SH3PXD2A: variants seen among roughly 807,000 people sequenced by gnomAD.
SH3PXD2A encodes the protein SH3 and PX domains 2A.
Under a neutral mutation model 115.2 loss-of-function variants are expected in SH3PXD2A, and 32 were observed. The observed-to-expected ratio is 0.28, with a 90% confidence interval of 0.21 to 0.37. The LOEUF (loss-of-function observed/expected upper bound fraction) is 0.37, where lower values mean the gene tolerates loss of function less well. SH3PXD2A is among the 10% of genes least tolerant of loss of function. The pLI, the probability that SH3PXD2A is intolerant of heterozygous loss-of-function variation, is 1.00. For missense variants in SH3PXD2A, 1,328 were observed against 1,498.7 expected (o/e 0.89, Z 1.88); for synonymous variants, 610 against 629.1 (o/e 0.97, Z 0.45).
At chr10:103,652,475 A>G (rs1456669816) in intron 8 of SH3PXD2A, among the ~76,000 whole-genome samples, 1 of 152,094 alleles carries the variant, frequency 6.6e-6, no homozygotes, top group African/African-American at 2.4e-5. Flanking sequence ...GAGGGCAGCT[A>G]TCCCCCACTC....
intron 8 of SH3PXD2A, among the ~76,000 whole-genome samples, chr10:103,653,704 T>C (rs769607045): frequency 1.2e-4 from 18 of 152,132 alleles, no homozygotes; most frequent in Non-Finnish European, 2.1e-4. Flanking sequence ...CGCAGGTAGC[T>C]GGCAGCACTT....
intron 5 of SH3PXD2A, among the ~76,000 whole-genome samples, chr10:103,716,726 C>T (rs1589426613): frequency 1.3e-5 from 2 of 152,318 alleles, no homozygotes; most frequent in Admixed American, 6.5e-5. Context: ...CAGATCAGCT[C>T]AGCCCTGGCC....
chr10:103,642,665 G>C (rs2036972601), intron 8 of SH3PXD2A, among the ~76,000 whole-genome samples: 1 of 152,142 alleles, frequency 6.6e-6, no homozygotes, highest in African/African-American at 2.4e-5. Context: ...AAAAAGAAAA[G>C]AAAAGAAAAG....
chr10:103,795,903 AAAGGAAGGAAGGAAGGAAGG>A (rs747408854), intron 2 of SH3PXD2A, among the ~76,000 whole-genome samples: 5 of 120,014 alleles, frequency 4.2e-5, no homozygotes, highest in African/African-American at 9.6e-5. Context: ...GGAGGGAGGA[AAAGGAAGGAAGGAAGGAAGG>A]AAGGAAGGCA....
chr10:103,778,294 T>C (rs2038899605), intron 2 of SH3PXD2A, among the ~76,000 whole-genome samples: 1 of 152,152 alleles, frequency 6.6e-6, no homozygotes, highest in Admixed American at 6.5e-5. Context: ...ATCGTGCCAC[T>C]GCACTCCAGC....
chr10:103,797,849 C>G (rs1262145235), intron 2 of SH3PXD2A, among the ~76,000 whole-genome samples: 4 of 152,076 alleles, frequency 2.6e-5, no homozygotes, highest in African/African-American at 9.7e-5. Context: ...CAAGTGCTTC[C>G]TGGCCTCATG....
chr10:103,716,926 T>G (rs1320882359), intron 5 of SH3PXD2A, among the ~76,000 whole-genome samples: 1 of 152,232 alleles, frequency 6.6e-6, no homozygotes, highest in Non-Finnish European at 1.5e-5. Flanking sequence ...CTGCTGCTGC[T>G]GTGCGCTTCC....
chr10:103,689,558 G>A (rs901162299), intron 6 of SH3PXD2A, among the ~76,000 whole-genome samples: 11 of 152,238 alleles, frequency 7.2e-5, no homozygotes, highest in Admixed American at 3.3e-4. Flanking sequence ...CCAGCTACTC[G>A]GGAGGCTGAG....
intron 8 of SH3PXD2A, among the ~76,000 whole-genome samples, chr10:103,639,042 T>A (rs2036909362): frequency 1.3e-5 from 2 of 152,146 alleles, no homozygotes; most frequent in Admixed American, 1.3e-4. Flanking sequence ...CTCCAGGAGC[T>A]GCAGAGCAGT....
At chr10:103,799,782 C>T (rs945772602) in intron 2 of SH3PXD2A, among the ~76,000 whole-genome samples, 5 of 152,148 alleles carry the variant, frequency 3.3e-5, no homozygotes, top group African/African-American at 1.2e-4. Context: ...TATCAGCAAA[C>T]CCCACCAGAT....
intron 8 of SH3PXD2A, among the ~76,000 whole-genome samples, chr10:103,638,133 T>A (rs902872500): frequency 6.6e-6 from 1 of 152,200 alleles, no homozygotes; most frequent in Non-Finnish European, 1.5e-5. Context: ...CCTGCCTTCA[T>A]GAGCCACTCA....
At chr10:103,679,023 G>A (rs535445489) in intron 6 of SH3PXD2A, among the ~76,000 whole-genome samples, 3 of 152,318 alleles carry the variant, frequency 2.0e-5, no homozygotes, top group African/African-American at 7.2e-5. Context: ...TGGGGACAGT[G>A]GCTCCTACCA....
At chr10:103,852,025 T>A (rs1406021043) in intron 1 of SH3PXD2A, among the ~76,000 whole-genome samples, 1 of 152,232 alleles carries the variant, frequency 6.6e-6, no homozygotes, top group African/African-American at 2.4e-5. Flanking sequence ...GGAATCTGCA[T>A]TCTGCATCCA....
At chr10:103,663,892 T>A (rs1428401982) in intron 7 of SH3PXD2A, among the ~76,000 whole-genome samples, 1 of 152,204 alleles carries the variant, frequency 6.6e-6, no homozygotes, top group African/African-American at 2.4e-5. Context: ...GTGTGCCACA[T>A]ACATTCGCAC....
intron 1 of SH3PXD2A, among the ~76,000 whole-genome samples, chr10:103,846,202 A>G (rs1352455733): frequency 6.6e-6 from 1 of 152,276 alleles, no homozygotes; most frequent in Non-Finnish European, 1.5e-5. Flanking sequence ...ATGACAGCAC[A>G]GGGACAGAGA....
chr10:103,723,593 C>T (rs1256900267), intron 5 of SH3PXD2A, among the ~76,000 whole-genome samples: 1 of 152,114 alleles, frequency 6.6e-6, no homozygotes, highest in Non-Finnish European at 1.5e-5. Flanking sequence ...AACATGGAAA[C>T]ATTAGCCAGC....
At chr10:103,706,821 C>T (rs57400356) in intron 5 of SH3PXD2A, among the ~76,000 whole-genome samples, 6,094 of 152,144 alleles carry the variant, frequency 0.04, 375 homozygotes, top group African/African-American at 0.14. Context: ...GAGTAGAGCT[C>T]AGTGGAAGTG....
At chr10:103,660,894 G>A in intron 8 of SH3PXD2A, 89 bp downstream of exon 8, 10 of 1,364,658 alleles carry the variant, frequency 7.3e-6, no homozygotes, top group Non-Finnish European at 9.4e-6. Flanking sequence ...TATAGCTGCA[G>A]CGGTGGGGGA....
chr10:103,641,451 T>A (rs913816248), intron 8 of SH3PXD2A, among the ~76,000 whole-genome samples: 1 of 152,102 alleles, frequency 6.6e-6, no homozygotes, highest in Non-Finnish European at 1.5e-5. Context: ...CCAAGGAGTG[T>A]GTGGCTAAGG....
Sources: allele counts gnomAD v4.1 joint callset (sites outside exome capture counted in the v4.1 genomes callset), GRCh38; gene constraint gnomAD v4.1.1; transcripts MANE v1.5; gene names NCBI Gene and HGNC (gene_info 2026-07-23, HGNC 2026-07-21).